The following ARHGAP42 variants were observed in gnomAD, a reference collection of about 807,000 sequenced individuals.
ARHGAP42 encodes the protein rho GTPase-activating protein 42.
ARHGAP42 carries 63 observed loss-of-function variants against 125.0 expected under a neutral mutation model. The ratio of observed to expected loss-of-function variants is 0.50; its 90% CI spans 0.41 to 0.62. The LOEUF (loss-of-function observed/expected upper bound fraction) is 0.62, where lower values mean the gene tolerates loss of function less well. Ranked by LOEUF, ARHGAP42 falls within the 20% of genes least tolerant of loss-of-function variation. ARHGAP42 has a pLI of 0.00. For synonymous variants in ARHGAP42, 339 were observed against 351.0 expected (o/e 0.97, Z 0.38); for missense variants, 766 against 1,024.2 (o/e 0.75, Z 3.44).
intron 14 of ARHGAP42, 77 bp from the exon 15 acceptor site, chr11:100,961,607 T>A: frequency 7.8e-7 from 1 of 1,274,864 alleles, no homozygotes; most frequent in East Asian, 2.5e-5. Flanking sequence ...CCTACTTACG[T>A]TTGTGCCCAT....
At chr11:100,795,942 T>C (rs1863699557) in intron 3 of ARHGAP42, among the ~76,000 whole-genome samples, 1 of 152,240 alleles carries the variant, frequency 6.6e-6, no homozygotes, top group Non-Finnish European at 1.5e-5. Context: ...CTGATTTAAC[T>C]GACCTCACTG....
At chr11:100,948,675 T>G (rs1868090804) in intron 11 of ARHGAP42, 140 bp downstream of exon 11, 2 of 612,756 alleles carry the variant, frequency 3.3e-6, no homozygotes, top group Non-Finnish European at 5.4e-6. Flanking sequence ...GAGTAGAGAC[T>G]TTTATGGTTT....
intron 4 of ARHGAP42, among the ~76,000 whole-genome samples, chr11:100,894,983 A>C (rs1404438757): frequency 6.6e-6 from 1 of 152,208 alleles, no homozygotes; most frequent in African/African-American, 2.4e-5. Context: ...GTGCCTAGGA[A>C]CAGTTTATAT....
intron 3 of ARHGAP42, among the ~76,000 whole-genome samples, chr11:100,858,844 C>G (rs1351952749): frequency 6.6e-6 from 1 of 152,012 alleles, no homozygotes; most frequent in African/African-American, 2.4e-5. Context: ...CATTCCCCTC[C>G]AGAATAATGG....
intron 21 of ARHGAP42, 130 bp from the exon 22 acceptor site, chr11:100,978,857 A>T: frequency 1.2e-6 from 1 of 815,414 alleles, no homozygotes; most frequent in Non-Finnish European, 2.0e-6. Context: ...AACAATTAAA[A>T]TTCCCTTCTA....
At chr11:100,708,061 T>C (rs1591119319) in intron 1 of ARHGAP42, among the ~76,000 whole-genome samples, 1 of 152,202 alleles carries the variant, frequency 6.6e-6, no homozygotes, top group Non-Finnish European at 1.5e-5. Flanking sequence ...AGATTGTATA[T>C]GTATGTACAC....
At chr11:100,748,659 G>A (rs1862364071) in intron 1 of ARHGAP42, among the ~76,000 whole-genome samples, 1 of 141,890 alleles carries the variant, frequency 7.0e-6, no homozygotes, top group South Asian at 2.1e-4. Context: ...ACTTTCTTCT[G>A]TTAGCAAAGC....
At chr11:100,985,533 T>G (rs1858653469) in intron 22 of ARHGAP42, among the ~76,000 whole-genome samples, 1 of 152,220 alleles carries the variant, frequency 6.6e-6, no homozygotes, top group Non-Finnish European at 1.5e-5. Flanking sequence ...ATGTTCTCAC[T>G]TCCAACCTCT....
chr11:100,761,254 A>G (rs1862694876), intron 1 of ARHGAP42, among the ~76,000 whole-genome samples: 1 of 152,142 alleles, frequency 6.6e-6, no homozygotes, highest in Non-Finnish European at 1.5e-5. Context: ...TACAAAGAGA[A>G]ACAGTATTGA....
At chr11:100,730,514 A>G (rs902844691) in intron 1 of ARHGAP42, among the ~76,000 whole-genome samples, 2 of 152,250 alleles carry the variant, frequency 1.3e-5, no homozygotes, top group African/African-American at 4.8e-5. Flanking sequence ...TTTAAGAAAC[A>G]CTGAATATGC....
intron 4 of ARHGAP42, among the ~76,000 whole-genome samples, chr11:100,864,906 T>A (rs1865533776): frequency 6.6e-6 from 1 of 152,204 alleles, no homozygotes; most frequent in Non-Finnish European, 1.5e-5. Context: ...AGTAGGCACT[T>A]AATGGTAACT....
At chr11:100,751,145 G>A (rs1006923561) in intron 1 of ARHGAP42, among the ~76,000 whole-genome samples, 2 of 151,908 alleles carry the variant, frequency 1.3e-5, no homozygotes, top group African/African-American at 2.4e-5. Context: ...TACCATGTTG[G>A]CCAGGCTAGT....
At chr11:100,809,412 G>A (rs750116654) in intron 3 of ARHGAP42, among the ~76,000 whole-genome samples, 24 of 152,318 alleles carry the variant, frequency 1.6e-4, no homozygotes, top group Non-Finnish European at 2.6e-4. Context: ...ATTATTATGA[G>A]TTAGGCAATC....
chr11:100,812,359 A>T (rs773851127), intron 3 of ARHGAP42, among the ~76,000 whole-genome samples: 25 of 152,240 alleles, frequency 1.6e-4, no homozygotes, highest in Non-Finnish European at 2.9e-4. Context: ...AATATTTATT[A>T]ATCTCTTTCT....
At chr11:100,752,754 T>A (rs961604468) in intron 1 of ARHGAP42, among the ~76,000 whole-genome samples, 7 of 152,204 alleles carry the variant, frequency 4.6e-5, no homozygotes, top group African/African-American at 1.7e-4. Context: ...CAAATTCTGG[T>A]TGTAATAGTA....
chr11:100,766,413 A>G (rs1048329199), intron 1 of ARHGAP42, among the ~76,000 whole-genome samples: 1 of 152,196 alleles, frequency 6.6e-6, no homozygotes, highest in Non-Finnish European at 1.5e-5. Flanking sequence ...TGATATTTTA[A>G]CACTCAACAA....
chr11:100,991,078 T>A lies in ARHGAP42; in HGVS notation c.*2277T>A, dbSNP rs1258025893. 4 of 152,160 alleles carry A rather than the reference T, an allele frequency of 2.6e-5. No homozygotes were observed. The highest frequency in any genetic ancestry group is 9.7e-5 in the African/African-American group (4 of 41,442). 9.4% of individuals were successfully genotyped at this position (152,160 alleles called of 1,614,324 possible). ...GTTGCAGCCACAGTACTGGCTATGG[T>A]CCCTTTGCTGAAACAAGCTACAGAA... On this transcript the variant is annotated 3_prime_UTR_variant, in exon 24 of 24. Transcript: ENST00000298815.
In ARHGAP42 at chr11:100,943,613, G is replaced by A. The variant is rs547153613; in HGVS notation, c.934-146G>A. The A allele has an allele frequency of 8.5e-4, 433 of 508,302 alleles. 2 individuals carry two copies. Among genetic ancestry groups the A allele is most frequent in the South Asian group, 6.3e-3 (147 of 23,278 alleles). 31.5% of individuals were successfully genotyped at this position (508,302 alleles called of 1,614,324 possible). A position where few individuals can be genotyped will look rare whatever the true frequency, so the allele number is the denominator to read the frequency against. On this transcript the variant is annotated intron_variant, in intron 9 of 23. Transcript: ENST00000298815. ...ATTATGATCGGACAGCTAACATCAG[G>A]AATAAAAAAAGACAGGGTATGATTG... is the stretch of plus-strand genomic sequence containing the variant.
At chr11:100,748,837 A>G (rs1333340262) in intron 1 of ARHGAP42, among the ~76,000 whole-genome samples, 1 of 149,856 alleles carries the variant, frequency 6.7e-6, no homozygotes, top group African/African-American at 2.4e-5. Context: ...CACGGAGAAG[A>G]CCTTCAATTA....
Sources: gnomAD v4.1 joint callset for allele counts (sites outside exome capture counted in the v4.1 genomes callset) on GRCh38, gnomAD v4.1.1 for gene constraint, MANE v1.5 for transcripts, NCBI Gene and HGNC (gene_info 2026-07-23, HGNC 2026-07-21) for gene names.